The following SLC38A4 variants were observed in gnomAD, a reference collection of about 807,000 sequenced individuals.
SLC38A4 encodes sodium-coupled neutral amino acid transporter 4.
In SLC38A4, 20 loss-of-function variants were observed where a neutral mutation model predicts 63.1. That is an observed-to-expected ratio of 0.32 (90% CI 0.22 to 0.46). The LOEUF (loss-of-function observed/expected upper bound fraction) is 0.46, where lower values mean the gene tolerates loss of function less well. Ranked by LOEUF, SLC38A4 falls within the 20% of genes least tolerant of loss-of-function variation. The pLI is 1.00. For synonymous variants in SLC38A4, 230 were observed against 225.5 expected (o/e 1.02, Z -0.18); for missense variants, 526 against 663.6 (o/e 0.79, Z 2.28).
upstream of SLC38A4, among the ~76,000 whole-genome samples, chr12:46,830,298 T>TCACACA (rs10597523): frequency 0.014 from 2,044 of 148,360 alleles, 33 homozygotes; most frequent in African/African-American, 0.035. Flanking sequence ...TCTCTCTCTC[T>TCACACA]CACACACACA....
intron 1 of SLC38A4, among the ~76,000 whole-genome samples, chr12:46,824,745 G>A (rs1212167470): frequency 6.6e-6 from 1 of 152,206 alleles, no homozygotes; most frequent in Non-Finnish European, 1.5e-5. Context: ...TGGTTGCCGG[G>A]GTAGCGAGGA....
At chr12:46,823,072 C>G (rs570452172) in intron 1 of SLC38A4, among the ~76,000 whole-genome samples, 1 of 152,104 alleles carries the variant, frequency 6.6e-6, no homozygotes, top group Non-Finnish European at 1.5e-5. Context: ...CAGAAAACAA[C>G]CCTCCCATCA....
intron 1 of SLC38A4, among the ~76,000 whole-genome samples, chr12:46,822,805 T>C (rs1433487896): frequency 6.6e-6 from 1 of 152,202 alleles, no homozygotes; most frequent in African/African-American, 2.4e-5. Flanking sequence ...TGGCTGAGGT[T>C]GATCTTGACT....
Position 46,831,743 on chromosome 12 carries a change from T to A in SLC38A4, c.-108+584A>T, listed in dbSNP as rs532743638. 3.2e-4 allele frequency among the ~76,000 whole-genome samples: 48 copies of A among 152,282 alleles called. No homozygotes were observed. In the South Asian group the frequency reaches 9.7e-3, roughly 31 times the overall value. On this transcript the variant is annotated intron_variant, in intron 1 of 6. Transcript: ENST00000546940. ...GTTCTATTTTAAGCCTTCCACCCAG[T>A]GTCCCCGACCTGAGGACGCGGGCGC... is the stretch of plus-strand genomic sequence containing the variant.
intron 5 of SLC38A4, among the ~76,000 whole-genome samples, chr12:46,787,147 G>C (rs1460066884): frequency 6.6e-6 from 1 of 152,172 alleles, no homozygotes; most frequent in Non-Finnish European, 1.5e-5. Context: ...AAAGTACGTA[G>C]GTTTAGGAAT....
chr12:46,795,704 ATTGT>A (rs1156521606), intron 2 of SLC38A4, among the ~76,000 whole-genome samples: 1 of 152,084 alleles, frequency 6.6e-6, no homozygotes, highest in African/African-American at 2.4e-5. Context: ...AACTTTGTTA[ATTGT>A]TTGAATTCTA....
rs145123611 is a variant in SLC38A4 at position 46,776,926 on chromosome 12, G to C, written c.1152C>G (p.Leu384=). The change falls in exon 13 of 17, where the codon CTC becomes CTG. Residue 384 remains leucine, a synonymous_variant. Coordinates refer to ENST00000266579, the MANE Select transcript of SLC38A4 (RefSeq NM_018018.5). ...GMLVMYLLAA[L]FGYLTFYGEV... is the part of the protein sequence containing the mutation. Reference sequence around the variant, plus strand: ...TACCATAGAAGGTTAGGTAACCAAAGAGGGCGGCAAGCAGGTACATGACAA... The same window carrying C: ...TACCATAGAAGGTTAGGTAACCAAACAGGGCGGCAAGCAGGTACATGACAA... The C allele has an allele frequency of 1.6e-5, 26 of 1,612,096 alleles. No individual in the cohort carries two copies. The highest frequency in any genetic ancestry group is 8.4e-5 in the Admixed American group (5 of 59,862).
At chr12:46,785,523 T>C (rs975842159) in intron 5 of SLC38A4, among the ~76,000 whole-genome samples, 3 of 152,086 alleles carry the variant, frequency 2.0e-5, no homozygotes, top group Non-Finnish European at 4.4e-5. Flanking sequence ...ATTTGCATGA[T>C]ATTCACATCA....
chr12:46,829,663 G>A (rs1261260251), upstream of SLC38A4, among the ~76,000 whole-genome samples: 4 of 152,126 alleles, frequency 2.6e-5, no homozygotes, highest in African/African-American at 4.8e-5. Flanking sequence ...CCAGTCCTAA[G>A]ACTGCAAAGA....
At chr12:46,829,233 C>T (rs1206337978), upstream of SLC38A4, among the ~76,000 whole-genome samples, 1 of 152,156 alleles carries the variant, frequency 6.6e-6, no homozygotes, top group Admixed American at 6.5e-5. Flanking sequence ...AAGCACCTTT[C>T]CTTTCACTTG....
At chr12:46,796,034 A>G (rs117091229) in intron 2 of SLC38A4, among the ~76,000 whole-genome samples, 5,957 of 152,226 alleles carry the variant, frequency 0.039, 196 homozygotes, top group Non-Finnish European at 0.063. Flanking sequence ...ACTTTTATTA[A>G]TCAGGTATTG....
intron 1 of SLC38A4, among the ~76,000 whole-genome samples, chr12:46,820,244 C>T (rs1034163108): frequency 6.6e-6 from 1 of 151,932 alleles, no homozygotes; most frequent in African/African-American, 2.4e-5. Flanking sequence ...TCGTGCCTAA[C>T]GATAGGCATT....
intron 15 of SLC38A4, 77 bp from the exon 16 acceptor site, chr12:46,768,484 A>ATATTTGGTTTATTT: frequency 1.1e-6 from 1 of 924,116 alleles, no homozygotes; most frequent in Non-Finnish European, 1.6e-6. Flanking sequence ...CACACACTTT[A>ATATTTGGTTTATTT]AATAAACCAA....
chr12:46,790,339 G>A (rs766909337), intron 3 of SLC38A4, among the ~76,000 whole-genome samples: 64 of 152,072 alleles, frequency 4.2e-4, no homozygotes, highest in Non-Finnish European at 8.2e-4. Context: ...ACATTTCCTA[G>A]CCTTCTCCCC....
At chr12:46,799,961 A>G (rs1414452942) in intron 2 of SLC38A4, among the ~76,000 whole-genome samples, 2 of 152,136 alleles carry the variant, frequency 1.3e-5, no homozygotes, top group South Asian at 2.1e-4. Context: ...AACATTTTTT[A>G]CCTTTTTCTT....
chr12:46,772,334 A>G (rs778932488), intron 14 of SLC38A4, among the ~76,000 whole-genome samples: 2 of 152,096 alleles, frequency 1.3e-5, no homozygotes, highest in Non-Finnish European at 2.9e-5. Flanking sequence ...GAAAAGACTG[A>G]TTTTAATTAT....
In SLC38A4 at chr12:46,766,631, T is replaced by C. The variant is rs1205218674; in HGVS notation, c.*70A>G. 1 of 1,043,848 alleles carries C rather than the reference T, an allele frequency of 9.6e-7. No individual in the cohort carries two copies. Among genetic ancestry groups the C allele is most frequent in the Non-Finnish European group, 1.5e-6 (1 of 681,140 alleles). 64.7% of individuals were successfully genotyped at this position (1,043,848 alleles called of 1,614,324 possible). ...CCTATGAATAACATTCCAATCAAGA[T>C]AATTCAAATATCTTTTGGAGTATAA... is the stretch of plus-strand genomic sequence containing the variant. On this transcript the variant is annotated 3_prime_UTR_variant, in exon 17 of 17. Coordinates refer to ENST00000266579, the MANE Select transcript of SLC38A4 (RefSeq NM_018018.5).
intron 12 of SLC38A4, 113 bp from the exon 13 acceptor site, chr12:46,777,117 T>A: frequency 1.2e-6 from 1 of 806,380 alleles, no homozygotes; most frequent in Non-Finnish European, 1.9e-6. Context: ...CATGAAGACA[T>A]ATTTAGTACA....
chr12:46,769,288 G>A lies in SLC38A4; in HGVS notation c.1440C>T (p.Phe480=), dbSNP rs1402807061. 1.2e-6 allele frequency: 2 copies of A among 1,612,984 alleles called. No individual in the cohort carries two copies. Among genetic ancestry groups the A allele is most frequent in the Non-Finnish European group, 1.7e-6 (2 of 1,179,292 alleles). The change falls in exon 15 of 17, where the codon TTC becomes TTT. Residue 480 remains phenylalanine (F), a synonymous_variant. Transcript: ENST00000266579. ...TGAAGCCTTTCTGAAACTCACCTATGAATCCGAAGATGTATTTTATAGTTG... is the reference window on the plus strand; with the variant it reads ...TGAAGCCTTTCTGAAACTCACCTATAAATCCGAAGATGTATTTTATAGTTG... ...LVPTIKYIFG[F]IGASSATMLI...
Sources: gnomAD v4.1 joint callset for allele counts (sites outside exome capture counted in the v4.1 genomes callset) on GRCh38, gnomAD v4.1.1 for gene constraint, MANE v1.5 for transcripts, NCBI Gene and HGNC (gene_info 2026-07-23, HGNC 2026-07-21) for gene names.